SGCD: variants seen among roughly 807,000 people sequenced by gnomAD.
SGCD encodes the protein delta-sarcoglycan.
A neutral mutation model predicts 36.6 loss-of-function variants in SGCD; 18 were observed. The observed-to-expected ratio is 0.49, with a 90% CI of 0.34 to 0.73. SGCD has a LOEUF of 0.73. Among genes scored for constraint, SGCD ranks in the 30% least tolerant of loss-of-function variants. The pLI is 0.01. For synonymous variants in SGCD, 133 were observed against 130.6 expected (o/e 1.02, Z -0.12); for missense variants, 387 against 346.7 (o/e 1.12, Z -0.92).
At chr5:156,162,838 C>A (rs1406847160) in intron 3 of SGCD, among the ~76,000 whole-genome samples, 2 of 151,728 alleles carry the variant, frequency 1.3e-5, no homozygotes, top group African/African-American at 2.4e-5. Context: ...AACCATAATT[C>A]CCCTTGACTC....
chr5:155,906,755 C>T (rs1266477484), intron 1 of SGCD, among the ~76,000 whole-genome samples: 1 of 151,276 alleles, frequency 6.6e-6, no homozygotes, highest in Non-Finnish European at 1.5e-5. Context: ...AAGAAGCCAT[C>T]TCCATGACAT....
At chr5:156,288,505 G>C (rs138642773) in intron 3 of SGCD, among the ~76,000 whole-genome samples, 2 of 151,986 alleles carry the variant, frequency 1.3e-5, no homozygotes, top group Non-Finnish European at 2.9e-5. Flanking sequence ...ATCCATCGTC[G>C]TGTTCAGTGT....
Position 156,731,845 on chromosome 5 carries a change from T to C in SGCD, c.576-25736T>C, listed in dbSNP as rs147462693. Among the ~76,000 whole-genome samples, 1,031 of 152,262 alleles carry C rather than the reference T, an allele frequency of 6.8e-3. 5 individuals are homozygous for C. The highest frequency in any genetic ancestry group is 0.012 in the Non-Finnish European group (786 of 67,980). ...TTGTGCCATCTCATTGAGCAGTGGT[T>C]TGTAGTTCTTTAGAGACATTTCACT... is the stretch of plus-strand genomic sequence containing the variant. On this transcript the variant is annotated intron_variant, in intron 7 of 8. Transcript: ENST00000337851.
chr5:156,519,559 CA>C (rs1472924906), intron 4 of SGCD, among the ~76,000 whole-genome samples: 2 of 151,928 alleles, frequency 1.3e-5, no homozygotes, highest in East Asian at 3.9e-4. Flanking sequence ...AGGAGAGATA[CA>C]ACAAAAAAAG....
intron 7 of SGCD, among the ~76,000 whole-genome samples, chr5:156,733,131 A>C (rs1437728434): frequency 6.6e-6 from 1 of 151,438 alleles, no homozygotes; most frequent in Non-Finnish European, 1.5e-5. Context: ...TTGGTTCTCT[A>C]CTTCTTTTTG....
At chr5:155,995,544 A>G (rs952048066) in intron 1 of SGCD, among the ~76,000 whole-genome samples, 2 of 152,254 alleles carry the variant, frequency 1.3e-5, no homozygotes, top group Non-Finnish European at 2.9e-5. Flanking sequence ...AATAAAATAA[A>G]TTGAATACAA....
At chr5:156,240,810 A>G (rs1207569366) in intron 3 of SGCD, among the ~76,000 whole-genome samples, 2 of 152,196 alleles carry the variant, frequency 1.3e-5, no homozygotes, top group African/African-American at 2.4e-5. Context: ...GTCAGCAACA[A>G]TTTGAGTTAA....
chr5:156,597,867 C>T (rs765036262), intron 6 of SGCD, among the ~76,000 whole-genome samples: 1 of 152,094 alleles, frequency 6.6e-6, no homozygotes, highest in Non-Finnish European at 1.5e-5. Context: ...TTTTATCACC[C>T]CTGTTTTACA....
At chr5:155,763,153 C>T in the SGCD span, among the ~76,000 whole-genome samples, 3 of 152,020 alleles carry the variant, frequency 2.0e-5, no homozygotes, top group East Asian at 5.8e-4. Context: ...GTAACTTGCC[C>T]CAGTTTTTGA....
intron 3 of SGCD, among the ~76,000 whole-genome samples, chr5:156,227,210 C>T (rs772561754): frequency 6.6e-6 from 1 of 152,088 alleles, no homozygotes; most frequent in African/African-American, 2.4e-5. Context: ...ATGCTATCTT[C>T]TAGAATTTGT....
intron 1 of SGCD, among the ~76,000 whole-genome samples, chr5:156,024,786 C>T (rs1185385653): frequency 6.6e-6 from 1 of 151,882 alleles, no homozygotes; most frequent in Non-Finnish European, 1.5e-5. Flanking sequence ...GGTGAAACCC[C>T]GTTTCTACTA....
At chr5:155,783,626 T>G in the SGCD span, among the ~76,000 whole-genome samples, 1 of 152,104 alleles carries the variant, frequency 6.6e-6, no homozygotes, top group Admixed American at 6.6e-5. Context: ...ATGATGAAAT[T>G]AAACAACCTA....
intron 3 of SGCD, among the ~76,000 whole-genome samples, chr5:156,281,368 A>C (rs1211994090): frequency 6.6e-6 from 1 of 152,174 alleles, no homozygotes; most frequent in African/African-American, 2.4e-5. Context: ...TTATGAATGT[A>C]ATGCAAGGAA....
the SGCD span, among the ~76,000 whole-genome samples, chr5:155,755,691 G>C: frequency 1.3e-5 from 2 of 152,048 alleles, no homozygotes. Flanking sequence ...GGATCCTTCT[G>C]TGTTCTTGTA....
the SGCD span, among the ~76,000 whole-genome samples, chr5:155,850,951 T>C: frequency 6.6e-6 from 1 of 152,178 alleles, no homozygotes; most frequent in African/African-American, 2.4e-5. Context: ...AGGAAATCAA[T>C]GGGGTTGGGG....
intron 3 of SGCD, among the ~76,000 whole-genome samples, chr5:156,132,458 CTTTTTTTTT>C (rs573278623): frequency 5.2e-4 from 27 of 51,794 alleles, no homozygotes; most frequent in Admixed American, 1.5e-3. Flanking sequence ...CTTACCAAGT[CTTTTTTTTT>C]TTTTTTTTTT....
chr5:156,186,868 T>C (rs1486891611), intron 3 of SGCD, among the ~76,000 whole-genome samples: 2 of 152,228 alleles, frequency 1.3e-5, no homozygotes, highest in Non-Finnish European at 2.9e-5. Flanking sequence ...GCCAGATAGC[T>C]CTGCCTTTTA....
intron 3 of SGCD, among the ~76,000 whole-genome samples, chr5:156,232,568 T>A (rs1765045906): frequency 6.6e-6 from 1 of 152,200 alleles, no homozygotes; most frequent in South Asian, 2.1e-4. Context: ...CCTGTGTTTC[T>A]TTTACTTATA....
chr5:155,786,915 A>G, the SGCD span, among the ~76,000 whole-genome samples: 1 of 152,176 alleles, frequency 6.6e-6, no homozygotes, highest in Non-Finnish European at 1.5e-5. Context: ...CTTTGAGAAC[A>G]TTAGCGATTG....
Sources: allele counts gnomAD v4.1 joint callset (sites outside exome capture counted in the v4.1 genomes callset), GRCh38; gene constraint gnomAD v4.1.1; transcripts MANE v1.5; gene names NCBI Gene and HGNC (gene_info 2026-07-23, HGNC 2026-07-21).